The following PCCB variants were observed in gnomAD, a reference collection of about 807,000 sequenced individuals.
PCCB encodes propionyl-CoA carboxylase subunit beta, also known as propionyl-CoA carboxylase beta chain, mitochondrial.
In PCCB, 43 loss-of-function variants were observed where a neutral mutation model predicts 60.7. The observed-to-expected ratio is 0.71, with a 90% CI of 0.55 to 0.91. The LOEUF is 0.91. PCCB is among the 40% of genes least tolerant of loss of function. The pLI, the probability that PCCB is intolerant of heterozygous loss-of-function variation, is 0.00. For synonymous variants in PCCB, 276 were observed against 255.9 expected, an observed-to-expected ratio of 1.08 and a Z score of -0.75; for missense variants, 766 against 702.8, an observed-to-expected ratio of 1.09 and a Z score of -1.02.
intron 3 of PCCB, chr3:136,259,036 C>A: frequency 1.5e-6 from 1 of 677,702 alleles, no homozygotes. Flanking sequence ...GTTCTTAATT[C>A]CTAACTGTCT....
chr3:136,315,957 C>A (rs924752767), intron 9 of PCCB, among the ~76,000 whole-genome samples: 1 of 151,852 alleles, frequency 6.6e-6, no homozygotes, highest in Non-Finnish European at 1.5e-5. Flanking sequence ...CAGTGGCTCA[C>A]GCCTGTAATC....
intron 5 of PCCB, among the ~76,000 whole-genome samples, chr3:136,278,741 T>C (rs951507030): frequency 6.6e-6 from 1 of 152,248 alleles, no homozygotes; most frequent in Non-Finnish European, 1.5e-5. Flanking sequence ...ATGTTGCATA[T>C]GCACTTGACA....
chr3:136,314,182 T>C (rs1037370505), intron 9 of PCCB, among the ~76,000 whole-genome samples: 25 of 152,132 alleles, frequency 1.6e-4, no homozygotes, highest in African/African-American at 6.0e-4. Context: ...GGGGACACTT[T>C]AGAAGGACAC....
At chr3:136,294,470 C>T (rs1933845198) in intron 7 of PCCB, among the ~76,000 whole-genome samples, 1 of 151,940 alleles carries the variant, frequency 6.6e-6, no homozygotes, top group Non-Finnish European at 1.5e-5. Context: ...CACCACCACA[C>T]CCAGCAAATT....
At chr3:136,283,705 G>A (rs1576326361) in intron 5 of PCCB, 132 bp from the exon 6 acceptor site, 3 of 681,912 alleles carry the variant, frequency 4.4e-6, no homozygotes, top group South Asian at 3.3e-5. Context: ...TCACTGATTA[G>A]GTCTGTTGCC....
At chr3:136,271,896 T>A (rs1227941376) in intron 5 of PCCB, among the ~76,000 whole-genome samples, 2 of 152,216 alleles carry the variant, frequency 1.3e-5, no homozygotes, top group African/African-American at 2.4e-5. Flanking sequence ...TCCAGTACTA[T>A]GTTGAATAGA....
chr3:136,283,463 C>G (rs1942530231), intron 5 of PCCB, among the ~76,000 whole-genome samples: 1 of 152,142 alleles, frequency 6.6e-6, no homozygotes, highest in Non-Finnish European at 1.5e-5. Context: ...TCTGCAAACT[C>G]TGCATGAGGT....
intron 10 of PCCB, among the ~76,000 whole-genome samples, chr3:136,323,849 T>C (rs1408538961): frequency 6.6e-6 from 1 of 151,976 alleles, no homozygotes; most frequent in East Asian, 1.9e-4. Context: ...TTATAGTCTT[T>C]TTCTAGTAAG....
chr3:136,293,504 G>T (rs1416529498), intron 6 of PCCB, among the ~76,000 whole-genome samples: 1 of 152,196 alleles, frequency 6.6e-6, no homozygotes, highest in Non-Finnish European at 1.5e-5. Flanking sequence ...ACAGATGAAT[G>T]ACCTTGAGAT....
intron 9 of PCCB, among the ~76,000 whole-genome samples, chr3:136,313,574 G>C (rs542717396): frequency 1.3e-5 from 2 of 152,220 alleles, no homozygotes; most frequent in African/African-American, 4.8e-5. Flanking sequence ...ATTAATAACA[G>C]GGTAGGTGGG....
intron 9 of PCCB, among the ~76,000 whole-genome samples, chr3:136,309,178 G>T (rs1389188448): frequency 6.6e-6 from 1 of 150,794 alleles, no homozygotes; most frequent in East Asian, 2.0e-4. Context: ...CAGGAGAATC[G>T]CTTGAACCTG....
In PCCB at chr3:136,293,853, C is replaced by T; in HGVS notation, c.752C>T (p.Thr251Ile). Reference protein sequence around the residue: ...QEELGGAKTHTTMSGVAHRAF... With the variant: ...QEELGGAKTHITMSGVAHRAF... The stretch of plus-strand genomic sequence containing the variant: ...GAGCTCGGTGGTGCCAAGACCCACA[C>T]CACCATGTCAGGTGAGAGGCCTTGA... Residue 251 changes from threonine (T) to isoleucine (I), a missense_variant, in exon 7 of 15, where the codon ACC (threonine) becomes ATC (isoleucine). Transcript: ENST00000251654. 1.9e-6 allele frequency: 3 copies of T among 1,592,846 alleles called. No individual in the cohort carries two copies. The highest frequency in any genetic ancestry group is 1.3e-5 in the African/African-American group (1 of 74,566).
chr3:136,258,489 G>A lies in PCCB; in HGVS notation c.372+1866G>A, dbSNP rs75456511. On this transcript the variant is annotated intron_variant, in intron 3 of 14. Coordinates refer to ENST00000251654, the MANE Select transcript of PCCB (RefSeq NM_000532.5). Reference sequence around the variant, plus strand: ...GGATACTGAGGGTAGGGAGTGATGAGCTAGTGTTTTTTAATAGTGATCTCC... The same window carrying A: ...GGATACTGAGGGTAGGGAGTGATGAACTAGTGTTTTTTAATAGTGATCTCC... Among the ~76,000 whole-genome samples the A allele has an allele frequency of 9.5e-3, 1,450 of 152,290 alleles. 7 individuals carry two copies. Among genetic ancestry groups the A allele is most frequent in the Non-Finnish European group, 0.016 (1,107 of 68,028 alleles).
chr3:136,278,110 A>G (rs962251320), intron 5 of PCCB, among the ~76,000 whole-genome samples: 3 of 152,166 alleles, frequency 2.0e-5, no homozygotes, highest in Non-Finnish European at 4.4e-5. Context: ...CTTGGTCTGC[A>G]CTGGAGACTG....
In PCCB at chr3:136,261,994, C is replaced by G. The variant is rs2108146685; in HGVS notation, c.472C>G (p.Leu158Val). ...AITVGAPVIG[L>V]NDSGGARIQE... ...AACGGTGGGGGCTCCAGTGATTGGGCTGAATGACTCTGGGGGAGCACGGAT... is the reference window on the plus strand; with the variant it reads ...AACGGTGGGGGCTCCAGTGATTGGGGTGAATGACTCTGGGGGAGCACGGAT... Residue 158 changes from leucine to valine, a missense_variant, in exon 5 of 15, where the codon CTG becomes GTG. Leu to Val is a conservative substitution (Grantham distance 32, BLOSUM62 1). Coordinates refer to ENST00000251654, the MANE Select transcript of PCCB (RefSeq NM_000532.5). 6 of 1,561,994 alleles carry G rather than the reference C, an allele frequency of 3.8e-6. No individual in the cohort carries two copies. Among genetic ancestry groups the G allele is most frequent in the Non-Finnish European group, 3.5e-6 (4 of 1,151,914 alleles).
chr3:136,328,201 C>G (rs1195735553), intron 13 of PCCB, among the ~76,000 whole-genome samples: 1 of 152,102 alleles, frequency 6.6e-6, no homozygotes, highest in South Asian at 2.1e-4. Flanking sequence ...TTGACCTATT[C>G]CTCACTCCTC....
At chr3:136,273,815 G>T (rs1488261491) in intron 5 of PCCB, among the ~76,000 whole-genome samples, 1 of 147,516 alleles carries the variant, frequency 6.8e-6, no homozygotes, top group Admixed American at 6.9e-5. Context: ...GTGAGGCTGA[G>T]GCAGGAGAAT....
At chr3:136,279,347 G>A (rs150905706) in intron 5 of PCCB, among the ~76,000 whole-genome samples, 1 of 152,160 alleles carries the variant, frequency 6.6e-6, no homozygotes, top group African/African-American at 2.4e-5. Context: ...ATGTGTTTTG[G>A]TTTTTTATGC....
intron 3 of PCCB, among the ~76,000 whole-genome samples, chr3:136,258,571 T>G (rs192680605): frequency 6.2e-4 from 94 of 152,170 alleles, no homozygotes; most frequent in African/African-American, 2.2e-3. Context: ...CTGGGGAGCC[T>G]CCTCAGTCCC....
Sources: gnomAD v4.1 joint callset for allele counts (sites outside exome capture counted in the v4.1 genomes callset) on GRCh38, gnomAD v4.1.1 for gene constraint, MANE v1.5 for transcripts, NCBI Gene and HGNC (gene_info 2026-07-23, HGNC 2026-07-21) for gene names.